The following KIAA1671 variants were observed in gnomAD, a reference collection of about 807,000 sequenced individuals.
The protein encoded by KIAA1671 is uncharacterized protein KIAA1671.
Under a neutral mutation model 131.2 loss-of-function variants are expected in KIAA1671, and 52 were observed. That is an observed-to-expected ratio of 0.40 (90% CI 0.32 to 0.50). The LOEUF (loss-of-function observed/expected upper bound fraction) is 0.50, where lower values mean the gene tolerates loss of function less well. KIAA1671 is among the 20% of genes least tolerant of loss of function. The pLI is 0.73. For synonymous variants in KIAA1671, 1,003 were observed against 961.6 expected (o/e 1.04, Z -0.80); for missense variants, 2,360 against 2,364.2 (o/e 1.00, Z 0.04).
chr22:24,980,761 T>C (rs1923189222), intron 1 of KIAA1671, among the ~76,000 whole-genome samples: 1 of 151,996 alleles, frequency 6.6e-6, no homozygotes, highest in Non-Finnish European at 1.5e-5. Flanking sequence ...TTTTTTTTTT[T>C]TTGAGATGGA....
intron 1 of KIAA1671, among the ~76,000 whole-genome samples, chr22:24,969,564 G>C (rs1273123938): frequency 1.3e-5 from 2 of 152,132 alleles, no homozygotes; most frequent in African/African-American, 4.8e-5. Flanking sequence ...CAGATACTGA[G>C]GGCTGCCTGT....
chr22:25,192,072 T>C (rs1934687828), intron 12 of KIAA1671, among the ~76,000 whole-genome samples: 1 of 152,160 alleles, frequency 6.6e-6, no homozygotes, highest in South Asian at 2.1e-4. Context: ...GGGATTTGGA[T>C]AAGGGATCGG....
intron 6 of KIAA1671, among the ~76,000 whole-genome samples, chr22:25,144,686 C>T (rs1201368758): frequency 6.6e-6 from 1 of 152,068 alleles, no homozygotes; most frequent in African/African-American, 2.4e-5. Flanking sequence ...CTTTCTTGTC[C>T]CCATTGTGTA....
intron 6 of KIAA1671, among the ~76,000 whole-genome samples, chr22:25,143,306 G>A (rs907104888): frequency 2.0e-5 from 3 of 152,242 alleles, no homozygotes; most frequent in Non-Finnish European, 4.4e-5. Context: ...ACTCTCAGGG[G>A]TCTGAGGAGG....
At position 25,135,310 on chromosome 22, in the gene KIAA1671, C is replaced by T. The variant is rs1304004300; in HGVS notation, c.4531-35510C>T. 5.9e-5 allele frequency among the ~76,000 whole-genome samples: 9 copies of T among 152,178 alleles called. No individual in the cohort carries two copies. In the South Asian group the frequency reaches 1.2e-3, roughly 21 times the overall value. ...ACACCATTCTCCTGCCTCAGCCTCC[C>T]GAGTAGCTGGGACTACAGGCGCCCG... is the stretch of plus-strand genomic sequence containing the variant. On this transcript the variant is annotated intron_variant, in intron 6 of 12. Coordinates refer to ENST00000358431, the MANE Select transcript of KIAA1671 (RefSeq NM_001145206.2).
At chr22:25,091,379 A>G (rs982562377) in intron 6 of KIAA1671, among the ~76,000 whole-genome samples, 2 of 152,078 alleles carry the variant, frequency 1.3e-5, no homozygotes, top group Admixed American at 6.5e-5. Flanking sequence ...ATTTCAAGCA[A>G]AGGTGTTGTT....
intron 1 of KIAA1671, among the ~76,000 whole-genome samples, chr22:25,000,828 T>G (rs1478300830): frequency 6.6e-6 from 1 of 151,688 alleles, no homozygotes; most frequent in Non-Finnish European, 1.5e-5. Context: ...TTTTTTTTTT[T>G]GAACAGAGAC....
At chr22:25,092,676 C>T (rs942172263) in intron 6 of KIAA1671, among the ~76,000 whole-genome samples, 1 of 152,112 alleles carries the variant, frequency 6.6e-6, no homozygotes, top group African/African-American at 2.4e-5. Flanking sequence ...GCTGTAGTTT[C>T]AAATTCAAGC....
chr22:25,081,189 C>T (rs1169243152), intron 6 of KIAA1671, among the ~76,000 whole-genome samples: 1 of 152,218 alleles, frequency 6.6e-6, no homozygotes, highest in Non-Finnish European at 1.5e-5. Context: ...TATTTGCCCT[C>T]TCTGGGACTC....
intron 6 of KIAA1671, among the ~76,000 whole-genome samples, chr22:25,152,563 C>T (rs1933083050): frequency 6.6e-6 from 1 of 152,178 alleles, no homozygotes; most frequent in Non-Finnish European, 1.5e-5. Context: ...GTCCCCAATC[C>T]ACCCTTCTGA....
At chr22:24,967,850 G>A (rs1311198419) in intron 1 of KIAA1671, among the ~76,000 whole-genome samples, 6 of 152,072 alleles carry the variant, frequency 3.9e-5, no homozygotes, top group African/African-American at 9.7e-5. Context: ...AAATTTAGCC[G>A]GGCGTGGTGG....
At chr22:25,035,178 G>A (rs1356420266) in intron 4 of KIAA1671, among the ~76,000 whole-genome samples, 1 of 151,294 alleles carries the variant, frequency 6.6e-6, no homozygotes, top group African/African-American at 2.4e-5. Context: ...CTGAGTAGCT[G>A]GGGACTACAG....
intron 6 of KIAA1671, chr22:25,102,469 G>A (rs1014455940): frequency 2.0e-5 from 3 of 150,300 alleles, no homozygotes; most frequent in Non-Finnish European, 4.4e-5. Flanking sequence ...TTGAGACAGA[G>A]TCTTGTTCTG....
At chr22:25,143,667 T>A (rs1932836791) in intron 6 of KIAA1671, among the ~76,000 whole-genome samples, 1 of 152,180 alleles carries the variant, frequency 6.6e-6, no homozygotes, top group East Asian at 1.9e-4. Context: ...TGCCCCTAAC[T>A]GTCCTCTGCC....
At chr22:25,005,423 T>TA (rs1366229235) in intron 1 of KIAA1671, among the ~76,000 whole-genome samples, 1 of 151,180 alleles carries the variant, frequency 6.6e-6, no homozygotes, top group African/African-American at 2.4e-5. Context: ...GCCCTGGAGA[T>TA]AGAGATTTTC....
chr22:25,078,368 ATT>A (rs1029667053), intron 6 of KIAA1671, among the ~76,000 whole-genome samples: 1 of 151,788 alleles, frequency 6.6e-6, no homozygotes, highest in African/African-American at 2.4e-5. Context: ...CTACAAAAGA[ATT>A]TTTTTTTGAA....
intron 12 of KIAA1671, among the ~76,000 whole-genome samples, chr22:25,191,963 A>ATGTGTATATG (rs1934684616): frequency 6.6e-6 from 1 of 151,918 alleles, no homozygotes; most frequent in African/African-American, 2.4e-5. Flanking sequence ...ATATGTATAT[A>ATGTGTATATG]TATACATATG....
chr22:25,067,751 A>G (rs1361071609), intron 6 of KIAA1671, among the ~76,000 whole-genome samples: 1 of 151,986 alleles, frequency 6.6e-6, no homozygotes, highest in East Asian at 1.9e-4. Flanking sequence ...CAGACAGTCA[A>G]CCCTTAGCAG....
At chr22:25,087,605 AAAC>A (rs1043143980) in intron 6 of KIAA1671, among the ~76,000 whole-genome samples, 7 of 152,224 alleles carry the variant, frequency 4.6e-5, no homozygotes, top group South Asian at 4.1e-4. Flanking sequence ...CCAACCAACC[AAAC>A]AACAACAACA....
Sources: gnomAD v4.1 joint callset for allele counts (sites outside exome capture counted in the v4.1 genomes callset) on GRCh38, gnomAD v4.1.1 for gene constraint, MANE v1.5 for transcripts, NCBI Gene and HGNC (gene_info 2026-07-23, HGNC 2026-07-21) for gene names.